The following BCL2L13 variants were observed in gnomAD, a reference collection of about 807,000 sequenced individuals.
BCL2L13 encodes the protein bcl-2-like protein 13.
BCL2L13 carries 13 observed loss-of-function variants against 25.8 expected under a neutral mutation model. That is an observed-to-expected ratio of 0.50 (90% CI 0.33 to 0.80). The LOEUF is 0.80. Ranked by LOEUF, BCL2L13 falls within the 30% of genes least tolerant of loss-of-function variation. The pLI, the probability that BCL2L13 is intolerant of heterozygous loss-of-function variation, is 0.02. For synonymous variants in BCL2L13, 244 were observed against 230.3 expected (o/e 1.06, Z -0.54); for missense variants, 504 against 574.9 (o/e 0.88, Z 1.26).
chr22:17,726,462 A>G (rs145492681), intron 6 of BCL2L13, among the ~76,000 whole-genome samples: 1,537 of 151,912 alleles, frequency 0.01, 34 homozygotes, highest in African/African-American at 0.034. Flanking sequence ...TTAACTTAGG[A>G]TTTTTTAGTT....
At chr22:17,666,151 T>C (rs2059224430) in intron 2 of BCL2L13, among the ~76,000 whole-genome samples, 3 of 152,300 alleles carry the variant, frequency 2.0e-5, no homozygotes, top group African/African-American at 7.2e-5. Context: ...TGTAATCTCA[T>C]TGAGTGTATC....
chr22:17,660,253 T>G (rs2059022256), intron 2 of BCL2L13, among the ~76,000 whole-genome samples: 1 of 146,764 alleles, frequency 6.8e-6, no homozygotes, highest in African/African-American at 2.4e-5. Context: ...TCCGGATTTT[T>G]TTCCCCAAAG....
chr22:17,681,273 G>A (rs761288910), intron 2 of BCL2L13, among the ~76,000 whole-genome samples: 7 of 152,084 alleles, frequency 4.6e-5, no homozygotes, highest in Non-Finnish European at 8.8e-5. Context: ...TTGGGAGGCC[G>A]AGGCAGGTGG....
rs2059581616 is a variant in BCL2L13 at position 17,676,563 on chromosome 22, T to C, written c.122-6651T>C. Reference sequence around the variant, plus strand: ...TGACTCCAAAGCTTATCAACCACTTTACGGCTGTTTTCCAGGAAGCTGGAA... The same window carrying C: ...TGACTCCAAAGCTTATCAACCACTTCACGGCTGTTTTCCAGGAAGCTGGAA... On this transcript the variant is annotated intron_variant, in intron 2 of 6. Transcript: ENST00000317582. Among the ~76,000 whole-genome samples the C allele has an allele frequency of 3.3e-5, 5 of 152,354 alleles. No individual in the cohort carries two copies. The South Asian group carries it at 1.0e-3, about 32-fold the overall frequency.
At chr22:17,689,175 T>C in intron 4 of BCL2L13, 33 bp downstream of exon 4, 1 of 1,606,234 alleles carries the variant, frequency 6.2e-7, no homozygotes, top group South Asian at 1.1e-5. Flanking sequence ...ATGTGCTTCT[T>C]TAAGTAGTCT....
rs1318835594 is a variant in BCL2L13, at chr22:17,680,118, G to T, written c.122-3096G>T. ...AATTCCAGCTACTCGGGAGGGTGAG[G>T]CAGGAGAATTGCTTGAACCCCGGGG... is the stretch of plus-strand genomic sequence containing the variant. On this transcript the variant is annotated intron_variant, in intron 2 of 6. Coordinates refer to ENST00000317582, the MANE Select transcript of BCL2L13 (RefSeq NM_015367.4). Among the ~76,000 whole-genome samples, 4 of 149,818 alleles carry T rather than the reference G, an allele frequency of 2.7e-5. No homozygotes were observed. The East Asian group carries it at 8.0e-4, about 30-fold the overall frequency.
intron 6 of BCL2L13, among the ~76,000 whole-genome samples, chr22:17,713,492 C>T (rs1393117677): frequency 2.2e-5 from 3 of 139,404 alleles, no homozygotes; most frequent in Non-Finnish European, 3.0e-5. Context: ...GATGGAGTCT[C>T]GCTCTGTCGC....
intron 6 of BCL2L13, among the ~76,000 whole-genome samples, chr22:17,723,631 G>GGTA (rs2061210619): frequency 6.6e-6 from 1 of 152,068 alleles, no homozygotes; most frequent in East Asian, 1.9e-4. Flanking sequence ...ACTAATCTAA[G>GGTA]CACTATAAAT....
intron 6 of BCL2L13, among the ~76,000 whole-genome samples, chr22:17,715,658 GTA>G (rs1422422173): frequency 6.6e-6 from 1 of 152,142 alleles, no homozygotes; most frequent in Non-Finnish European, 1.5e-5. Context: ...ACTATTTCCT[GTA>G]TGTTTTATAG....
chr22:17,694,737 T>G (rs888459727), intron 4 of BCL2L13, among the ~76,000 whole-genome samples: 1 of 152,282 alleles, frequency 6.6e-6, no homozygotes, highest in Non-Finnish European at 1.5e-5. Context: ...GTCAGAATCT[T>G]AACATCCAAC....
At chr22:17,649,906 C>CT (rs375090750) in intron 1 of BCL2L13, among the ~76,000 whole-genome samples, 196 of 115,512 alleles carry the variant, frequency 1.7e-3, no homozygotes, top group African/African-American at 6.3e-3. Context: ...GAGCTTTGCT[C>CT]TGTCGTCCAA....
intron 3 of BCL2L13, among the ~76,000 whole-genome samples, chr22:17,686,787 G>T (rs1480207259): frequency 6.6e-6 from 1 of 152,140 alleles, no homozygotes; most frequent in Non-Finnish European, 1.5e-5. Flanking sequence ...GGGATTACCG[G>T]TGTGAAACAC....
intron 2 of BCL2L13, among the ~76,000 whole-genome samples, chr22:17,676,092 G>A (rs190445333): frequency 6.6e-5 from 10 of 152,288 alleles, no homozygotes; most frequent in Non-Finnish European, 1.5e-4. Flanking sequence ...AAGAATTGGT[G>A]AGTGGGAGCA....
chr22:17,713,460 ATTTTT>A (rs34378723), intron 6 of BCL2L13, among the ~76,000 whole-genome samples: 6 of 132,204 alleles, frequency 4.5e-5, no homozygotes, highest in Non-Finnish European at 9.5e-5. Context: ...TTGAAAATGC[ATTTTT>A]TTTTTTTTTT....
chr22:17,704,571 T>G (rs951676637), intron 6 of BCL2L13, among the ~76,000 whole-genome samples: 1 of 151,480 alleles, frequency 6.6e-6, no homozygotes, highest in African/African-American at 2.4e-5. Context: ...AGGTCAGGAG[T>G]TTGAGACCAT....
intron 4 of BCL2L13, among the ~76,000 whole-genome samples, chr22:17,689,501 G>A (rs1330721418): frequency 2.0e-5 from 3 of 152,116 alleles, no homozygotes; most frequent in African/African-American, 4.8e-5. Flanking sequence ...AGCGTTTTGT[G>A]CGTTGTAATG....
chr22:17,678,243 T>C (rs1188879593), intron 2 of BCL2L13, among the ~76,000 whole-genome samples: 2 of 152,050 alleles, frequency 1.3e-5, no homozygotes, highest in Non-Finnish European at 2.9e-5. Flanking sequence ...AGGCTGTTCT[T>C]GAACTCCTAA....
intron 1 of BCL2L13, among the ~76,000 whole-genome samples, chr22:17,639,088 C>T (rs868147805): frequency 3.9e-5 from 6 of 152,158 alleles, no homozygotes; most frequent in Admixed American, 3.3e-4. Flanking sequence ...CGTGACCGGA[C>T]CTGGCCGCGC....
chr22:17,675,004 A>G (rs1282203793), intron 2 of BCL2L13, among the ~76,000 whole-genome samples: 1 of 152,182 alleles, frequency 6.6e-6, no homozygotes, highest in Non-Finnish European at 1.5e-5. Context: ...GAGATCCTCT[A>G]CAATTATACT....
Sources: allele counts gnomAD v4.1 joint callset (sites outside exome capture counted in the v4.1 genomes callset), GRCh38; gene constraint gnomAD v4.1.1; transcripts MANE v1.5; gene names NCBI Gene and HGNC (gene_info 2026-07-23, HGNC 2026-07-21).